The following DST variants were observed in gnomAD, a reference collection of about 807,000 sequenced individuals.
DST encodes the protein dystonin.
DST carries 253 observed loss-of-function variants against 875.2 expected under a neutral mutation model. The observed-to-expected ratio is 0.29, with a 90% CI of 0.26 to 0.32. DST has a LOEUF of 0.32. DST is among the 10% of genes least tolerant of loss of function. The probability of loss-of-function intolerance (pLI) is 1.00; values close to 1 mark genes in which losing one functional copy is unlikely to be tolerated. For synonymous variants in DST, 3,124 were observed against 3,197.1 expected (o/e 0.98, Z 0.77); for missense variants, 8,287 against 9,111.6 (o/e 0.91, Z 3.68).
intron 17 of DST, 24 bp downstream of exon 17, chr6:56,641,923 A>C: frequency 6.4e-7 from 1 of 1,567,192 alleles, no homozygotes; most frequent in Non-Finnish European, 8.6e-7. Flanking sequence ...AAAAGGACAG[A>C]GAAAGAATAA....
chr6:56,632,762 A>G (rs1430568969), intron 28 of DST, 92 bp downstream of exon 28: 11 of 1,017,456 alleles, frequency 1.1e-5, no homozygotes, highest in Non-Finnish European at 1.7e-5. Flanking sequence ...GGGTGATACA[A>G]TATACCTAAG....
In DST at chr6:56,668,703, G is replaced by A. The variant is rs145727542; in HGVS notation, c.1214+1938C>T. Reference sequence around the variant, plus strand: ...GAATCACTTGAACCTGGGAGGCAGAGGTTGCAGTGAGCTGAGATCATGCCA... The same window carrying A: ...GAATCACTTGAACCTGGGAGGCAGAAGTTGCAGTGAGCTGAGATCATGCCA... On this transcript the variant is annotated intron_variant, in intron 10 of 103. Coordinates refer to ENST00000680361, the MANE Select transcript of DST (RefSeq NM_001374736.1). Among the ~76,000 whole-genome samples, 493 of 152,180 alleles carry A rather than the reference G, an allele frequency of 3.2e-3. 4 individuals are homozygous for A. Among genetic ancestry groups the A allele is most frequent in the African/African-American group, 0.011 (477 of 41,530 alleles).
At chr6:56,495,165 C>A (rs1426131672) in intron 82 of DST, among the ~76,000 whole-genome samples, 1 of 151,764 alleles carries the variant, frequency 6.6e-6, no homozygotes, top group African/African-American at 2.4e-5. Flanking sequence ...AGCTTTAAAT[C>A]CTAAAGCAAA....
chr6:56,779,945 A>G (rs546787044), intron 4 of DST, among the ~76,000 whole-genome samples: 3 of 130,064 alleles, frequency 2.3e-5, no homozygotes, highest in Non-Finnish European at 1.5e-5. Flanking sequence ...CTCATTGTTC[A>G]ATTCCCATCT....
chr6:56,800,868 A>C (rs1246825378), intron 4 of DST, among the ~76,000 whole-genome samples: 1 of 151,914 alleles, frequency 6.6e-6, no homozygotes, highest in Non-Finnish European at 1.5e-5. Context: ...AAAATACAAA[A>C]AATTAGCCAG....
At chr6:56,577,359 C>T (rs1585352197) in intron 50 of DST, among the ~76,000 whole-genome samples, 1 of 152,238 alleles carries the variant, frequency 6.6e-6, no homozygotes, top group East Asian at 1.9e-4. Context: ...ATATGAGATG[C>T]TGCATTGGGA....
chr6:56,692,843 C>A (rs947694893), intron 9 of DST: 1 of 1,289,824 alleles, frequency 7.8e-7, no homozygotes, highest in Non-Finnish European at 1.0e-6. Flanking sequence ...CTGTCAGCTA[C>A]AACTTCTGTC....
In DST at chr6:56,617,872, C is replaced by T. The variant is rs982054265; in HGVS notation, c.4930-3388G>A. ...TAGCATTATTTTCCTGTCAGAACTA[C>T]AATGAGCCAATCACATTCAAAATTG... On this transcript the variant is annotated intron_variant, in intron 36 of 103. Coordinates refer to ENST00000680361, the MANE Select transcript of DST (RefSeq NM_001374736.1). The T allele has an allele frequency of 1.0e-5, 9 of 867,412 alleles. No individual in the cohort carries two copies. In the African/African-American group the frequency reaches 1.5e-4, roughly 14 times the overall value. 53.7% of individuals were successfully genotyped at this position (867,412 alleles called of 1,614,324 possible).
intron 4 of DST, among the ~76,000 whole-genome samples, chr6:56,763,640 C>A (rs1188569715): frequency 6.6e-6 from 1 of 150,740 alleles, no homozygotes; most frequent in Non-Finnish European, 1.5e-5. Flanking sequence ...CCACTGCGCT[C>A]CAGCCGACAG....
At chr6:56,872,916 G>A (rs1313355871) in intron 3 of DST, among the ~76,000 whole-genome samples, 2 of 138,160 alleles carry the variant, frequency 1.4e-5, no homozygotes, top group Non-Finnish European at 3.1e-5. Flanking sequence ...AGTTTTTTGA[G>A]GAACCTCCAT....
At chr6:56,633,570 A>G (rs562626673) in intron 27 of DST, among the ~76,000 whole-genome samples, 1 of 146,954 alleles carries the variant, frequency 6.8e-6, no homozygotes, top group South Asian at 2.1e-4. Context: ...GCGCGATCTC[A>G]GCTCACTGCA....
At chr6:56,671,020 C>T (rs1225582987) in intron 9 of DST, among the ~76,000 whole-genome samples, 3 of 152,136 alleles carry the variant, frequency 2.0e-5, no homozygotes, top group Non-Finnish European at 2.9e-5. Flanking sequence ...ATTAGCTATT[C>T]TATATAATTA....
rs148362986 is a variant in DST, at chr6:56,922,760, T to C, written c.217-22139A>G. Among the ~76,000 whole-genome samples, 575 of 152,340 alleles carry C rather than the reference T, an allele frequency of 3.8e-3. 6 individuals are homozygous for C. The highest frequency in any genetic ancestry group is 0.013 in the African/African-American group (556 of 41,570). ...AATATGACTTTTAATGAGTAGTTTC[T>C]TCTTTATTGTTTGGAATTTCTACTA... is the stretch of plus-strand genomic sequence containing the variant. On this transcript the variant is annotated intron_variant, in intron 2 of 103. Transcript: ENST00000680361.
chr6:56,906,414 G>T (rs570718993), intron 2 of DST, among the ~76,000 whole-genome samples: 12 of 152,278 alleles, frequency 7.9e-5, no homozygotes, highest in African/African-American at 2.6e-4. Flanking sequence ...CTGCAGGAAA[G>T]AACTACCTGG....
chr6:56,926,412 G>A (rs954199263), intron 2 of DST, among the ~76,000 whole-genome samples: 2 of 152,170 alleles, frequency 1.3e-5, no homozygotes, highest in Non-Finnish European at 2.9e-5. Flanking sequence ...ATGCAATAAT[G>A]GTAACATGAT....
chr6:56,557,095 T>C (rs1053848355), intron 59 of DST, among the ~76,000 whole-genome samples: 2 of 152,322 alleles, frequency 1.3e-5, no homozygotes, highest in South Asian at 4.1e-4. Context: ...GGCCCATTCA[T>C]GGGATTCAAA....
At chr6:56,702,076 A>C (rs2152878158) in intron 7 of DST, 111 bp from the exon 8 acceptor site, 1 of 600,082 alleles carries the variant, frequency 1.7e-6, no homozygotes, top group South Asian at 2.7e-5. Context: ...TTTACCGTTT[A>C]GGTAAGGCCA....
chr6:56,527,643 A>T lies in DST; in HGVS notation c.17772T>A (p.Thr5924=), dbSNP rs775714240. 11 of 1,613,808 alleles carry T rather than the reference A, an allele frequency of 6.8e-6. No individual in the cohort carries two copies. Among genetic ancestry groups the T allele is most frequent in the South Asian group, 1.1e-5 (1 of 91,080 alleles). Residue 5924 remains threonine (T), a synonymous_variant, in exon 68 of 104, where the codon ACT becomes ACA. Transcript: ENST00000680361. ...ITKLSTDVAK[T]LEQALQLARR... is the part of the protein sequence containing the mutation. ...TTGCAAGCTGCAGCGCCTGTTCCAG[A>T]GTCTTGGCCACATCAGTGCTCAGTT...
chr6:56,595,667 TC>T (rs972793834), intron 47 of DST, among the ~76,000 whole-genome samples: 8 of 152,168 alleles, frequency 5.3e-5, no homozygotes, highest in Non-Finnish European at 1.2e-4. Context: ...AACACTGGTA[TC>T]CTCACTGTCT....
Sources: gnomAD v4.1 joint callset for allele counts (sites outside exome capture counted in the v4.1 genomes callset) on GRCh38, gnomAD v4.1.1 for gene constraint, MANE v1.5 for transcripts, NCBI Gene and HGNC (gene_info 2026-07-23, HGNC 2026-07-21) for gene names.